The following MGRN1 variants were observed in gnomAD, a reference collection of about 807,000 sequenced individuals.
The protein encoded by MGRN1 is mahogunin ring finger 1.
In MGRN1, 29 loss-of-function variants were observed where a neutral mutation model predicts 69.2. The observed-to-expected ratio is 0.42, with a 90% CI of 0.31 to 0.57. MGRN1 has a LOEUF of 0.57. Among genes scored for constraint, MGRN1 ranks in the 20% least tolerant of loss-of-function variants. The probability of loss-of-function intolerance (pLI) is 0.15; values close to 1 mark genes in which losing one functional copy is unlikely to be tolerated. For missense variants in MGRN1, 998 were observed against 796.2 expected (o/e 1.25, Z -3.05); for synonymous variants, 470 against 344.2 (o/e 1.37, Z -4.04).
intron 4 of MGRN1, among the ~76,000 whole-genome samples, chr16:4,656,343 G>A (rs909489535): frequency 1.3e-5 from 2 of 152,248 alleles, no homozygotes; most frequent in African/African-American, 4.8e-5. Context: ...CGGGACCTGT[G>A]TGGTGGTTCA....
Position 4,650,440 on chromosome 16 carries a change from G to C in MGRN1, c.164G>C (p.Gly55Ala). ...DTPHPEGYLF[G>A]ENMDLNFLGS... ...CCCCACCCTGAAGGTTACCTCTTTG[G>C]AGAGAACATGGATCTGAACTTCCTG... The change falls in exon 2 of 17, where the codon GGA (glycine) becomes GCA (alanine). Residue 55 changes from glycine to alanine, a missense_variant. Physicochemically the swap from Gly to Ala is moderately conservative, Grantham distance 60. Transcript: ENST00000262370. The C allele has an allele frequency of 6.2e-7, 1 of 1,614,122 alleles. No homozygotes were observed. The highest frequency in any genetic ancestry group is 8.5e-7 in the Non-Finnish European group (1 of 1,179,986).
In MGRN1 at chr16:4,627,514, G is replaced by A. The variant is rs149409212; in HGVS notation, c.88+2466G>A. On this transcript the variant is annotated intron_variant, in intron 1 of 16. Transcript: ENST00000262370. Reference sequence around the variant, plus strand: ...GAATTGTGCAGTCGTCTGGCCAGGCGCGGTGGCTCACGCCTATAATCCCAT... The same window carrying A: ...GAATTGTGCAGTCGTCTGGCCAGGCACGGTGGCTCACGCCTATAATCCCAT... 1.8e-3 allele frequency among the ~76,000 whole-genome samples: 273 copies of A among 152,372 alleles called. 1 individual carries two copies. Among genetic ancestry groups the A allele is most frequent in the African/African-American group, 4.0e-3 (167 of 41,594 alleles).
At chr16:4,673,074 G>A (rs1268797508) in intron 9 of MGRN1, among the ~76,000 whole-genome samples, 8 of 152,140 alleles carry the variant, frequency 5.3e-5, no homozygotes, top group South Asian at 4.1e-4. Flanking sequence ...TCCTGACCTC[G>A]TGATCTGCCC....
chr16:4,683,109 AC>A, intron 14 of MGRN1, 114 bp from the exon 15 acceptor site: 4 of 1,518,926 alleles, frequency 2.6e-6, no homozygotes, highest in Non-Finnish European at 1.8e-6. Context: ...TGGAGGCAGC[AC>A]CCCCTGGTGG....
Position 4,689,003 on chromosome 16 carries a change from A to C in MGRN1, c.*95A>C. On this transcript the variant is annotated 3_prime_UTR_variant, in exon 17 of 17. Coordinates refer to ENST00000262370, the MANE Select transcript of MGRN1 (RefSeq NM_015246.4). ...CGTTGTGAGCCGGCCTCCTGTCTGC[A>C]TGCCCCCTGTGGCCACCAGGCTCCG... is the stretch of plus-strand genomic sequence containing the variant. 1 of 1,435,648 alleles carries C rather than the reference A, an allele frequency of 7.0e-7. No individual in the cohort carries two copies. The highest frequency in any genetic ancestry group is 9.2e-7 in the Non-Finnish European group (1 of 1,088,328). The allele number at this position is 1,435,648 out of a possible 1,614,324, so 88.9% of individuals were successfully genotyped here.
chr16:4,662,240 C>T (rs965285638), intron 5 of MGRN1, among the ~76,000 whole-genome samples: 2 of 152,102 alleles, frequency 1.3e-5, no homozygotes, highest in African/African-American at 2.4e-5. Context: ...TTTGGCCGGG[C>T]GCGGTGGCTG....
chr16:4,659,779 G>C lies in MGRN1; in HGVS notation c.561+2416G>C, dbSNP rs573506043. On this transcript the variant is annotated intron_variant, in intron 5 of 16. Transcript: ENST00000262370. ...AAACATTTGGTCTGGTTTAAGAAAAGAAAACCAGAGACTTACTGGTGTAGA... is the reference window on the plus strand; with the variant it reads ...AAACATTTGGTCTGGTTTAAGAAAACAAAACCAGAGACTTACTGGTGTAGA... Among the ~76,000 whole-genome samples, 6 of 152,366 alleles carry C rather than the reference G, an allele frequency of 3.9e-5. No homozygotes were observed. The South Asian group carries it at 1.2e-3, about 32-fold the overall frequency.
intron 5 of MGRN1, among the ~76,000 whole-genome samples, chr16:4,663,356 C>A (rs2078725516): frequency 7.0e-6 from 1 of 142,054 alleles, no homozygotes; most frequent in South Asian, 2.3e-4. Context: ...AGCCACGGCA[C>A]CTGGCCTTGT....
chr16:4,641,353 G>GT (rs2078152605), intron 1 of MGRN1, among the ~76,000 whole-genome samples: 5 of 149,732 alleles, frequency 3.3e-5, no homozygotes, highest in Admixed American at 2.6e-4. Context: ...TTTTTTTTTT[G>GT]TTTTTTGGAG....
intron 1 of MGRN1, among the ~76,000 whole-genome samples, chr16:4,639,344 G>A (rs2078106692): frequency 1.3e-5 from 2 of 152,168 alleles, no homozygotes; most frequent in African/African-American, 4.8e-5. Flanking sequence ...CCTCACCGCG[G>A]CATCCCAAGG....
chr16:4,679,977 C>G, intron 11 of MGRN1, 55 bp from the exon 12 acceptor site: 2 of 1,566,114 alleles, frequency 1.3e-6, no homozygotes, highest in Non-Finnish European at 1.7e-6. Context: ...GTCCAGCCCA[C>G]TCCAGGGCCG....
intron 16 of MGRN1, chr16:4,687,839 C>T (rs183798906): frequency 6.3e-5 from 62 of 985,468 alleles, no homozygotes; most frequent in Middle Eastern, 1.0e-3. Context: ...CTTTTGACTG[C>T]GCTCTGCATT....
chr16:4,664,985 T>A, intron 6 of MGRN1, 117 bp from the exon 7 acceptor site: 1 of 1,290,476 alleles, frequency 7.7e-7, no homozygotes, highest in Non-Finnish European at 1.1e-6. Flanking sequence ...CTCAGGACTC[T>A]ATGGACTCTG....
intron 15 of MGRN1, among the ~76,000 whole-genome samples, 183 bp downstream of exon 15, chr16:4,683,452 T>C (rs1051552610): frequency 7.2e-5 from 11 of 151,882 alleles, no homozygotes; most frequent in African/African-American, 2.7e-4. Flanking sequence ...GGTGACTGGG[T>C]CAGGCTGCGC....
chr16:4,638,828 C>T (rs1469558496), intron 1 of MGRN1, among the ~76,000 whole-genome samples: 6 of 152,218 alleles, frequency 3.9e-5, no homozygotes, highest in Non-Finnish European at 5.9e-5. Flanking sequence ...CGTGGCCTTC[C>T]CACTCCCCCT....
intron 11 of MGRN1, among the ~76,000 whole-genome samples, 180 bp from the exon 12 acceptor site, chr16:4,679,852 A>G (rs375832423): frequency 7.4e-4 from 113 of 152,164 alleles, no homozygotes; most frequent in African/African-American, 2.4e-3. Context: ...AGACGCACAC[A>G]TGGCCCACCC....
intron 8 of MGRN1, among the ~76,000 whole-genome samples, chr16:4,671,025 A>C (rs2078925874): frequency 6.6e-6 from 1 of 152,268 alleles, no homozygotes; most frequent in African/African-American, 2.4e-5. Context: ...AGCAGTGGGA[A>C]CTTAGGCTGC....
intron 16 of MGRN1, chr16:4,686,468 G>T (rs928452228): frequency 7.1e-7 from 1 of 1,398,924 alleles, no homozygotes. Flanking sequence ...TCCAGTGGCT[G>T]CTGCACCTTC....
chr16:4,688,370 C>T (rs569044874), intron 16 of MGRN1: 9 of 999,368 alleles, frequency 9.0e-6, no homozygotes, highest in African/African-American at 1.7e-5. Flanking sequence ...GGCTTGTTCT[C>T]ACCCAGGGCC....
Sources: allele counts gnomAD v4.1 joint callset (sites outside exome capture counted in the v4.1 genomes callset), GRCh38; gene constraint gnomAD v4.1.1; transcripts MANE v1.5; gene names NCBI Gene and HGNC (gene_info 2026-07-23, HGNC 2026-07-21).